OMA1: variants seen among roughly 807,000 people sequenced by gnomAD.
The protein encoded by OMA1 is OMA1 zinc metallopeptidase.
OMA1 carries 38 observed loss-of-function variants against 30.9 expected under a neutral mutation model. The ratio of observed to expected loss-of-function variants is 1.23; its 90% CI spans 0.95 to 1.61. OMA1 has a LOEUF of 1.61. Among genes scored for constraint, OMA1 ranks in the 40% most tolerant of loss-of-function variants. The pLI, the probability that OMA1 is intolerant of heterozygous loss-of-function variation, is 0.00. For missense variants in OMA1, 461 were observed against 349.2 expected, an observed-to-expected ratio of 1.32 and a Z score of -2.55; for synonymous variants, 173 against 121.9, an observed-to-expected ratio of 1.42 and a Z score of -2.76.
intron 8 of OMA1, among the ~76,000 whole-genome samples, chr1:58,489,556 G>A (rs988626009): frequency 1.3e-5 from 2 of 152,216 alleles, no homozygotes; most frequent in Admixed American, 1.3e-4. Flanking sequence ...AACCTCTGCA[G>A]ACTTAAATGT....
At position 58,527,241 on chromosome 1, in the gene OMA1, T is replaced by C. The variant is rs763760555; in HGVS notation, c.1215+20A>G. On this transcript the variant is annotated intron_variant, in intron 7 of 8. Transcript: ENST00000371226. ...AGCCTGGGAAGGGCATTATGTATTC[T>C]CAACTACTAAACACTTTACCTTTGC... 6 of 871,408 alleles carry C rather than the reference T, an allele frequency of 6.9e-6. No individual in the cohort carries two copies. The African/African-American group carries it at 8.2e-5, about 12-fold the overall frequency. The allele number at this position is 871,408 out of a possible 1,614,324, so 54.0% of individuals were successfully genotyped here. A position where few individuals can be genotyped will look rare whatever the true frequency, so the allele number is the denominator to read the frequency against.
intron 8 of OMA1, among the ~76,000 whole-genome samples, chr1:58,497,030 T>C (rs1645814024): frequency 6.6e-6 from 1 of 152,190 alleles, no homozygotes; most frequent in Non-Finnish European, 1.5e-5. Context: ...CAGCCAGGTA[T>C]TAAGAGACTT....
chr1:58,516,933 C>T lies in OMA1; in HGVS notation c.1215+10328G>A, dbSNP rs113952203. ...GCTACAGAGGAAGCCAGGCTGTAAT[C>T]AGAAGGTTGCCTAGGAAGGAGAGAA... On this transcript the variant is annotated intron_variant, in intron 7 of 8. Coordinates refer to ENST00000371226, the MANE Select transcript of OMA1 (RefSeq NM_145243.5). Among the ~76,000 whole-genome samples, 563 of 152,230 alleles carry T rather than the reference C, an allele frequency of 3.7e-3. 2 individuals carry two copies. Among genetic ancestry groups the T allele is most frequent in the Non-Finnish European group, 7.0e-3 (473 of 67,996 alleles).
chr1:58,505,568 T>C (rs572929849), intron 8 of OMA1, among the ~76,000 whole-genome samples: 1 of 152,270 alleles, frequency 6.6e-6, no homozygotes, highest in African/African-American at 2.4e-5. Context: ...TTCACTCTTA[T>C]CTTCATAAAG....
intron 8 of OMA1, among the ~76,000 whole-genome samples, chr1:58,497,205 C>T (rs1258377727): frequency 1.3e-5 from 2 of 152,066 alleles, no homozygotes; most frequent in Non-Finnish European, 1.5e-5. Flanking sequence ...CTCACCAATT[C>T]AATGACAAGT....
At chr1:58,526,336 T>A (rs1196817245) in intron 7 of OMA1, among the ~76,000 whole-genome samples, 1 of 152,108 alleles carries the variant, frequency 6.6e-6, no homozygotes, top group Non-Finnish European at 1.5e-5. Context: ...ATAAAACTTA[T>A]GAGAGGTTCA....
chr1:58,490,272 G>A (rs1427187020), intron 8 of OMA1, among the ~76,000 whole-genome samples: 2 of 152,190 alleles, frequency 1.3e-5, no homozygotes, highest in Non-Finnish European at 2.9e-5. Flanking sequence ...TGAAAACCAT[G>A]GCACAAGAAC....
chr1:58,518,518 G>A (rs908755209), intron 7 of OMA1, among the ~76,000 whole-genome samples: 3 of 152,004 alleles, frequency 2.0e-5, no homozygotes, highest in South Asian at 2.1e-4. Flanking sequence ...CAGAAGTTTA[G>A]GTAAAAGATG....
chr1:58,538,921 A>C lies in OMA1; in HGVS notation c.374T>G (p.Leu125Arg), dbSNP rs1235053145. 1 of 872,918 alleles carries C rather than the reference A, an allele frequency of 1.1e-6. No homozygotes were observed. The highest frequency in any genetic ancestry group is 2.4e-5 in the East Asian group (1 of 41,690). The allele number at this position is 872,918 out of a possible 1,614,324, so 54.1% of individuals were successfully genotyped here. Residue 125 changes from leucine to arginine, a missense_variant, in exon 2 of 9, where the codon CTA becomes CGA. Leu to Arg is a moderately radical substitution (Grantham distance 102, BLOSUM62 -2). Transcript: ENST00000371226. Reference protein sequence around the residue: ...AVPSLSVLHPLSPASIRAIRN... With the variant: ...AVPSLSVLHPRSPASIRAIRN... ...AATAGCTCTTATGGAAGCAGGGCTT[A>C]GAGGATGCAATACTGACAGACTAGG...
intron 1 of OMA1, among the ~76,000 whole-genome samples, chr1:58,539,968 C>A (rs1183685231): frequency 6.6e-6 from 1 of 152,114 alleles, no homozygotes; most frequent in Non-Finnish European, 1.5e-5. Context: ...TGCAGAGAAT[C>A]CCCCTCCCAT....
intron 7 of OMA1, among the ~76,000 whole-genome samples, chr1:58,511,177 T>C (rs539649354): frequency 6.6e-6 from 1 of 152,248 alleles, no homozygotes; most frequent in Non-Finnish European, 1.5e-5. Context: ...CAAAGCAATC[T>C]TGAAAAAGAG....
chr1:58,481,004 T>C lies in OMA1; in HGVS notation c.1536A>G (p.Ile512Met). 1.1e-6 allele frequency: 1 copy of C among 871,542 alleles called. No individual in the cohort carries two copies. Among genetic ancestry groups the C allele is most frequent in the Non-Finnish European group, 2.0e-6 (1 of 501,110 alleles). 54.0% of individuals were successfully genotyped at this position (871,542 alleles called of 1,614,324 possible). The change falls in exon 9 of 9, where the codon ATA becomes ATG. Residue 512 changes from isoleucine to methionine, a missense_variant. Coordinates refer to ENST00000371226, the MANE Select transcript of OMA1 (RefSeq NM_145243.5). ...DTLPIQKQEQ[I>M]PLTYIVEKRT... The stretch of plus-strand genomic sequence containing the variant: ...TTTTCTCAACTATGTATGTTAATGG[T>C]ATTTGCTCCTGTTTTTGAATAGGAA...
At chr1:58,490,470 T>C (rs1645661549) in intron 8 of OMA1, among the ~76,000 whole-genome samples, 1 of 152,198 alleles carries the variant, frequency 6.6e-6, no homozygotes, top group Non-Finnish European at 1.5e-5. Context: ...ATCTGATTGG[T>C]GTACCTGAAA....
rs12044071 is a variant in OMA1 at position 58,536,810 on chromosome 1, T to A, written c.501-69A>T. ...CACATATCACTAAAGCTCAAATGCA[T>A]ACACTAGAATTTTACGTCCTCAAAT... On this transcript the variant is annotated intron_variant, in intron 2 of 8. Transcript: ENST00000371226. 3,568 of 771,550 alleles carry A rather than the reference T, an allele frequency of 4.6e-3. 116 individuals are homozygous for A. In the East Asian group the frequency reaches 0.073, roughly 16 times the overall value. 47.8% of individuals were successfully genotyped at this position (771,550 alleles called of 1,614,324 possible).
At chr1:58,522,499 G>A (rs12127273) in intron 7 of OMA1, among the ~76,000 whole-genome samples, 1 of 152,108 alleles carries the variant, frequency 6.6e-6, no homozygotes, top group Admixed American at 6.5e-5. Context: ...TTGCCCCTAA[G>A]ATCAGGGAGA....
At chr1:58,482,711 A>G (rs1312452274) in intron 8 of OMA1, among the ~76,000 whole-genome samples, 1 of 152,146 alleles carries the variant, frequency 6.6e-6, no homozygotes, top group Non-Finnish European at 1.5e-5. Context: ...CCTGAAGGAC[A>G]TGAGGAAAGA....
chr1:58,491,792 T>A (rs1237107295), intron 8 of OMA1, among the ~76,000 whole-genome samples: 1 of 152,202 alleles, frequency 6.6e-6, no homozygotes, highest in African/African-American at 2.4e-5. Flanking sequence ...ACAAAGTGAC[T>A]TAGACTCCCA....
intron 8 of OMA1, among the ~76,000 whole-genome samples, chr1:58,492,240 G>A (rs931832069): frequency 3.9e-5 from 6 of 152,082 alleles, no homozygotes; most frequent in Non-Finnish European, 5.9e-5. Flanking sequence ...CAACATACCA[G>A]AATCTCTGAG....
intron 7 of OMA1, among the ~76,000 whole-genome samples, chr1:58,509,523 T>TA (rs1646039868): frequency 8.1e-6 from 1 of 124,086 alleles, no homozygotes; most frequent in South Asian, 2.5e-4. Context: ...TTTATAATGA[T>TA]AAACACCTAC....
Sources: allele counts gnomAD v4.1 joint callset (sites outside exome capture counted in the v4.1 genomes callset), GRCh38; gene constraint gnomAD v4.1.1; transcripts MANE v1.5; gene names NCBI Gene and HGNC (gene_info 2026-07-23, HGNC 2026-07-21).